The following MGAT4C variants were observed in gnomAD, a reference collection of about 807,000 sequenced individuals.
MGAT4C encodes the protein alpha-1,3-mannosyl-glycoprotein 4-beta-N-acetylglucosaminyltransferase C.
In MGAT4C, 19 loss-of-function variants were observed where a neutral mutation model predicts 40.1. That is an observed-to-expected ratio of 0.47 (90% CI 0.33 to 0.70). The LOEUF is 0.70. Ranked by LOEUF, MGAT4C falls within the 30% of genes least tolerant of loss-of-function variation. MGAT4C has a pLI of 0.02. For synonymous variants in MGAT4C, 181 were observed against 187.1 expected (o/e 0.97, Z 0.27); for missense variants, 491 against 563.2 (o/e 0.87, Z 1.30).
Position 86,382,186 on chromosome 12 carries a change from C to A in MGAT4C, c.-119-48059G>T, listed in dbSNP as rs142818030. The stretch of plus-strand genomic sequence containing the variant: ...ATTGACCAAAATGCTGATAAAGATA[C>A]AGACAATGAAATCCAGGCTGAAGTG... On this transcript the variant is annotated intron_variant, in intron 3 of 7. Transcript: ENST00000548651. Among the ~76,000 whole-genome samples the A allele has an allele frequency of 3.3e-5, 5 of 152,306 alleles. No homozygotes were observed. In the East Asian group the frequency reaches 5.8e-4, roughly 18 times the overall value.
At chr12:86,457,013 A>C (rs1957520934) in intron 2 of MGAT4C, among the ~76,000 whole-genome samples, 1 of 152,112 alleles carries the variant, frequency 6.6e-6, no homozygotes, top group East Asian at 1.9e-4. Flanking sequence ...ATTGAGCTGA[A>C]ATCTCAGATG....
At chr12:86,503,449 CAT>C (rs546421551) in intron 2 of MGAT4C, among the ~76,000 whole-genome samples, 1 of 9,298 alleles carries the variant, frequency 1.1e-4, no homozygotes, top group African/African-American at 8.3e-4. Flanking sequence ...GAGTTCTGCT[CAT>C]ATATATATAT....
chr12:86,811,626 C>A (rs1375291356), intron 1 of MGAT4C, among the ~76,000 whole-genome samples: 1 of 151,186 alleles, frequency 6.6e-6, no homozygotes, highest in Non-Finnish European at 1.5e-5. Context: ...ACAGGCATGA[C>A]CCAACGTGCC....
At chr12:86,204,524 CTAGAG>C (rs1950180390) in intron 1 of MGAT4C, among the ~76,000 whole-genome samples, 1 of 152,038 alleles carries the variant, frequency 6.6e-6, no homozygotes, top group South Asian at 2.1e-4. Context: ...ATTTCAATGA[CTAGAG>C]TAGCATCAAA....
At position 86,788,298 on chromosome 12, in the gene MGAT4C, G is replaced by GT. The variant is rs373080606; in HGVS notation, c.-262+50367dup. On this transcript the variant is annotated intron_variant, in intron 1 of 7. Coordinates refer to the MGAT4C transcript ENST00000548651. Reference sequence around the variant, plus strand: ...ATGCTTTAATTTTATTCATTATTAGGTTTTTTTTTTTTTTGGTAAAACATC... The same window carrying GT: ...ATGCTTTAATTTTATTCATTATTAGGTTTTTTTTTTTTTTTGGTAAAACATC... Among the ~76,000 whole-genome samples the GT allele has an allele frequency of 3.9e-3, 543 of 137,800 alleles. 3 individuals are homozygous for GT. The highest frequency in any genetic ancestry group is 0.015 in the Middle Eastern group (4 of 268). 90.4% of individuals were successfully genotyped at this position (137,800 alleles called of 152,430 possible).
rs552018010 is a variant in MGAT4C at position 86,817,122 on chromosome 12, C to A, written c.-262+21544G>T. ...TCAAGCATTCTTATTTTCAAACATT[C>A]TTTTTTCATGATATAAAATATAGAA... On this transcript the variant is annotated intron_variant, in intron 1 of 7. Coordinates refer to the MGAT4C transcript ENST00000548651. Among the ~76,000 whole-genome samples, 3 of 150,446 alleles carry A rather than the reference C, an allele frequency of 2.0e-5. No homozygotes were observed. The East Asian group carries it at 5.8e-4, about 29-fold the overall frequency.
At position 86,446,682 on chromosome 12, in the gene MGAT4C, T is replaced by TATATATATAC. The variant is rs1555190158; in HGVS notation, c.-228-11418_-228-11417insGTATATATAT. 2.0e-3 allele frequency among the ~76,000 whole-genome samples: 224 copies of TATATATATAC among 113,446 alleles called. 5 individuals carry two copies. Among genetic ancestry groups the TATATATATAC allele is most frequent in the South Asian group, 4.7e-3 (17 of 3,582 alleles). 74.4% of individuals were successfully genotyped at this position (113,446 alleles called of 152,430 possible). On this transcript the variant is annotated intron_variant, in intron 2 of 7. Coordinates refer to the MGAT4C transcript ENST00000548651. ...TCATATATATATATATATATATATA[T>TATATATATAC]ATATATATATATATATATATATGGA...
chr12:86,390,821 A>G (rs1269840064), intron 3 of MGAT4C, among the ~76,000 whole-genome samples: 1 of 152,220 alleles, frequency 6.6e-6, no homozygotes, highest in Non-Finnish European at 1.5e-5. Flanking sequence ...ACAAAGAACT[A>G]GAACTTCATA....
intron 1 of MGAT4C, among the ~76,000 whole-genome samples, chr12:86,727,455 TATG>T (rs1950840503): frequency 6.6e-6 from 1 of 152,086 alleles, no homozygotes; most frequent in Admixed American, 6.5e-5. Context: ...TTAAAGATGT[TATG>T]ATTGGCTTGA....
intron 2 of MGAT4C, among the ~76,000 whole-genome samples, chr12:86,641,037 T>G (rs1327335163): frequency 6.6e-6 from 1 of 151,970 alleles, no homozygotes; most frequent in Non-Finnish European, 1.5e-5. Context: ...GTGGTCAATT[T>G]TGGAATACGT....
intron 2 of MGAT4C, among the ~76,000 whole-genome samples, chr12:86,041,736 C>T (rs58896799): frequency 0.18 from 27,331 of 152,094 alleles, 3,242 homozygotes; most frequent in African/African-American, 0.34. Context: ...GTTTTATGGA[C>T]AATTATGCAG....
intron 2 of MGAT4C, among the ~76,000 whole-genome samples, chr12:86,636,133 C>A (rs956865781): frequency 6.6e-6 from 1 of 151,944 alleles, no homozygotes; most frequent in Non-Finnish European, 1.5e-5. Context: ...CAGGCTAGTA[C>A]TAGTAGACCA....
chr12:86,811,601 C>G (rs1387280551), intron 1 of MGAT4C, among the ~76,000 whole-genome samples: 1 of 151,228 alleles, frequency 6.6e-6, no homozygotes, highest in African/African-American at 2.4e-5. Context: ...CTCAGCCTCC[C>G]AAAGTGCTGA....
rs1199124492 is a variant in MGAT4C, at chr12:85,957,541, G to A, written c.*21748C>T. ...GCTACATATATCTGTTAGCTGTGAA[G>A]GAAGACAAAAATTGACCTTTATCCT... On this transcript the variant is annotated 3_prime_UTR_variant, in exon 5 of 5. Transcript: ENST00000611864. 2 of 151,778 alleles carry A rather than the reference G, an allele frequency of 1.3e-5. No individual in the cohort carries two copies. The highest frequency in any genetic ancestry group is 2.1e-4 in the South Asian group (1 of 4,824). The allele number at this position is 151,778 out of a possible 1,614,324, so 9.4% of individuals were successfully genotyped here.
At chr12:86,268,942 C>T (rs1292977816) in intron 4 of MGAT4C, among the ~76,000 whole-genome samples, 4 of 140,626 alleles carry the variant, frequency 2.8e-5, no homozygotes, top group Non-Finnish European at 6.1e-5. Flanking sequence ...GTACCCCTTT[C>T]GAACACCATC....
At chr12:86,157,764 C>CA (rs1307545119) in intron 1 of MGAT4C, among the ~76,000 whole-genome samples, 1 of 152,070 alleles carries the variant, frequency 6.6e-6, no homozygotes, top group Non-Finnish European at 1.5e-5. Context: ...ACGTGCCACA[C>CA]TTTTAAACAA....
chr12:86,264,138 G>A (rs909628777), intron 4 of MGAT4C, among the ~76,000 whole-genome samples: 1 of 152,100 alleles, frequency 6.6e-6, no homozygotes, highest in African/African-American at 2.4e-5. Context: ...CAGGTTGTCA[G>A]CTCTCTCTGT....
At chr12:86,405,604 GT>G (rs941924821) in intron 3 of MGAT4C, among the ~76,000 whole-genome samples, 36 of 151,860 alleles carry the variant, frequency 2.4e-4, no homozygotes, top group Non-Finnish European at 4.9e-4. Context: ...TTTCTGAATT[GT>G]TTTTTATATA....
At chr12:86,360,831 A>G (rs1489559772) in intron 3 of MGAT4C, among the ~76,000 whole-genome samples, 3 of 151,976 alleles carry the variant, frequency 2.0e-5, no homozygotes, top group Non-Finnish European at 4.4e-5. Context: ...TCAACGAAAT[A>G]AAAGAGGATA....
Sources: allele counts gnomAD v4.1 joint callset (sites outside exome capture counted in the v4.1 genomes callset), GRCh38; gene constraint gnomAD v4.1.1; transcripts MANE v1.5; gene names NCBI Gene and HGNC (gene_info 2026-07-23, HGNC 2026-07-21).